The following RYR3 variants were observed in gnomAD, a reference collection of about 807,000 sequenced individuals.
The protein encoded by RYR3 is ryanodine receptor 3.
RYR3 carries 207 observed loss-of-function variants against 584.3 expected under a neutral mutation model. That is an observed-to-expected ratio of 0.35 (90% CI 0.32 to 0.40). The LOEUF (loss-of-function observed/expected upper bound fraction) is 0.40. Among genes scored for constraint, RYR3 ranks in the 10% least tolerant of loss-of-function variants. The probability of loss-of-function intolerance (pLI) is 1.00; values close to 1 mark genes in which losing one functional copy is unlikely to be tolerated. For synonymous variants in RYR3, 2,416 were observed against 2,248.5 expected (o/e 1.07, Z -2.11); for missense variants, 5,616 against 6,089.2 (o/e 0.92, Z 2.59).
At chr15:33,426,192 C>T (rs959578608) in intron 1 of RYR3, among the ~76,000 whole-genome samples, 8 of 152,154 alleles carry the variant, frequency 5.3e-5, no homozygotes, top group African/African-American at 1.9e-4. Flanking sequence ...AGCTTCTTGA[C>T]AGGTGATGCA....
intron 1 of RYR3, among the ~76,000 whole-genome samples, chr15:33,433,094 A>ACT (rs2045344433): frequency 1.3e-5 from 2 of 152,266 alleles, no homozygotes; most frequent in African/African-American, 4.8e-5. Context: ...GAGGAAGATA[A>ACT]AATGGGACTC....
chr15:33,348,038 T>A (rs1972698151), intron 1 of RYR3, among the ~76,000 whole-genome samples: 1 of 152,164 alleles, frequency 6.6e-6, no homozygotes, highest in Admixed American at 6.5e-5. Context: ...TAAACATTCC[T>A]ATATGTAACA....
intron 10 of RYR3, among the ~76,000 whole-genome samples, chr15:33,558,918 G>A (rs923591947): frequency 2.6e-5 from 4 of 152,148 alleles, no homozygotes; most frequent in Non-Finnish European, 5.9e-5. Flanking sequence ...GGAAGCTGGG[G>A]GAAAGCCTTT....
chr15:33,630,590 A>G (rs1297661299), intron 22 of RYR3, among the ~76,000 whole-genome samples: 1 of 152,160 alleles, frequency 6.6e-6, no homozygotes, highest in East Asian at 1.9e-4. Context: ...TGGCATAACG[A>G]TGCTCCGTAA....
At chr15:33,392,710 A>T (rs1279856965) in intron 1 of RYR3, among the ~76,000 whole-genome samples, 2 of 152,164 alleles carry the variant, frequency 1.3e-5, no homozygotes, top group Non-Finnish European at 2.9e-5. Context: ...AAATGCTTGT[A>T]ATAGCAGGAG....
chr15:33,520,832 C>T (rs954303907), intron 3 of RYR3, among the ~76,000 whole-genome samples: 3 of 152,090 alleles, frequency 2.0e-5, no homozygotes, highest in African/African-American at 4.8e-5. Context: ...TACCAGTGAC[C>T]ACCTTTTCCC....
intron 2 of RYR3, among the ~76,000 whole-genome samples, chr15:33,479,554 A>G (rs1009791961): frequency 6.7e-6 from 1 of 149,738 alleles, no homozygotes; most frequent in Non-Finnish European, 1.5e-5. Flanking sequence ...GTGGGTGCCT[A>G]CTGCTTTCAT....
intron 3 of RYR3, among the ~76,000 whole-genome samples, chr15:33,510,062 T>A (rs1318826296): frequency 6.6e-5 from 10 of 152,174 alleles, no homozygotes; most frequent in Admixed American, 6.5e-4. Flanking sequence ...AAATAACAAA[T>A]CAACTTGGCA....
intron 3 of RYR3, among the ~76,000 whole-genome samples, chr15:33,519,897 G>A (rs537127906): frequency 1.3e-5 from 2 of 152,214 alleles, no homozygotes; most frequent in African/African-American, 2.4e-5. Context: ...AGGCAAGATC[G>A]CTGTTTGTTT....
chr15:33,566,870 C>T, intron 12 of RYR3, 71 bp downstream of exon 12: 1 of 1,500,674 alleles, frequency 6.7e-7, no homozygotes, highest in South Asian at 1.1e-5. Context: ...CCACCCACCT[C>T]CTTTTGATAC....
Position 33,813,007 on chromosome 15 carries a change from T to G in RYR3, c.10389+13T>G. 1 of 1,613,894 alleles carries G rather than the reference T, an allele frequency of 6.2e-7. No homozygotes were observed. On this transcript the variant is annotated intron_variant, in intron 73 of 103. Transcript: ENST00000634891. ...CCACCTGGAACAGGTAAGGAGCATC[T>G]GCCCTGAGGAATGGGGAAGCAGAAA...
Position 33,833,443 on chromosome 15 carries a change from A to G in RYR3, c.11464-1525A>G, listed in dbSNP as rs574927728. 1.4e-4 allele frequency among the ~76,000 whole-genome samples: 22 copies of G among 152,334 alleles called. 1 individual carries two copies. The South Asian group carries it at 4.4e-3, about 30-fold the overall frequency. The stretch of plus-strand genomic sequence containing the variant: ...AAAGAAACACAAAACTAAGACTGTC[A>G]ACTTGAAAAGGAGGATTTTGAGGGG... On this transcript the variant is annotated intron_variant, in intron 86 of 103. Transcript: ENST00000634891.
At chr15:33,391,960 T>C (rs1191110798) in intron 1 of RYR3, among the ~76,000 whole-genome samples, 1 of 152,098 alleles carries the variant, frequency 6.6e-6, no homozygotes, top group Non-Finnish European at 1.5e-5. Context: ...TCCTTCAGCC[T>C]TTTACTAAAA....
chr15:33,818,823 CA>C, intron 76 of RYR3, 139 bp downstream of exon 76: 1 of 655,776 alleles, frequency 1.5e-6, no homozygotes, highest in Non-Finnish European at 2.6e-6. Flanking sequence ...TATATTTGGC[CA>C]TCAAGATATG....
At chr15:33,607,460 A>G (rs145047956) in intron 18 of RYR3, among the ~76,000 whole-genome samples, 179 of 152,258 alleles carry the variant, frequency 1.2e-3, no homozygotes, top group African/African-American at 4.1e-3. Flanking sequence ...GGCCTCTTGC[A>G]GTGGATGGTC....
intron 1 of RYR3, among the ~76,000 whole-genome samples, chr15:33,321,193 T>TC (rs1968913007): frequency 6.6e-6 from 1 of 152,196 alleles, no homozygotes; most frequent in African/African-American, 2.4e-5. Context: ...TTTTTACAAC[T>TC]TATGTCTTAA....
chr15:33,620,317 C>A (rs1223979993), intron 19 of RYR3, among the ~76,000 whole-genome samples: 1 of 152,112 alleles, frequency 6.6e-6, no homozygotes, highest in Non-Finnish European at 1.5e-5. Context: ...TATCGTTTGG[C>A]TTCCGAAAAG....
At chr15:33,684,899 A>C (rs1231535595) in intron 38 of RYR3, among the ~76,000 whole-genome samples, 1 of 152,214 alleles carries the variant, frequency 6.6e-6, no homozygotes, top group African/African-American at 2.4e-5. Context: ...AAATGCTGAG[A>C]GATTTTGTCA....
intron 1 of RYR3, among the ~76,000 whole-genome samples, chr15:33,435,144 C>T (rs1050819460): frequency 6.6e-6 from 1 of 151,062 alleles, no homozygotes. Flanking sequence ...TTCAGGGGTA[C>T]ATGTGCAGGT....
Sources: allele counts gnomAD v4.1 joint callset (sites outside exome capture counted in the v4.1 genomes callset), GRCh38; gene constraint gnomAD v4.1.1; transcripts MANE v1.5; gene names NCBI Gene and HGNC (gene_info 2026-07-23, HGNC 2026-07-21).